RFFL: variants seen among roughly 807,000 people sequenced by gnomAD.
RFFL encodes the protein E3 ubiquitin-protein ligase rififylin.
RFFL carries 16 observed loss-of-function variants against 40.4 expected under a neutral mutation model. The observed-to-expected ratio is 0.40, with a 90% CI of 0.27 to 0.60. The LOEUF is 0.60. RFFL is among the 20% of genes least tolerant of loss of function. RFFL has a pLI of 0.47. For synonymous variants in RFFL, 154 were observed against 167.9 expected (o/e 0.92, Z 0.64); for missense variants, 367 against 451.7 (o/e 0.81, Z 1.70).
intron 3 of RFFL, among the ~76,000 whole-genome samples, chr17:35,020,622 T>C (rs1294643216): frequency 6.6e-6 from 1 of 152,078 alleles, no homozygotes. Context: ...AAGGCACTTA[T>C]GCAACATCAT....
At chr17:35,082,741 TTC>T (rs1342812571) in intron 1 of RFFL, among the ~76,000 whole-genome samples, 1 of 152,210 alleles carries the variant, frequency 6.6e-6, no homozygotes, top group Non-Finnish European at 1.5e-5. Flanking sequence ...AAACATATTT[TTC>T]TCTCTTTCAA....
At chr17:35,026,301 C>A (rs948029384) in intron 2 of RFFL, 73 bp downstream of exon 2, 22 of 1,450,458 alleles carry the variant, frequency 1.5e-5, no homozygotes, top group Non-Finnish European at 1.5e-5. Flanking sequence ...TGCAGGCATT[C>A]AGAGGGGTCA....
intron 1 of RFFL, among the ~76,000 whole-genome samples, chr17:35,040,602 CA>C (rs1314518844): frequency 1.5e-3 from 185 of 122,114 alleles, no homozygotes; most frequent in Admixed American, 2.0e-3. Flanking sequence ...GACTCTCTCT[CA>C]AAAAAAAAAA....
At chr17:35,036,344 C>T (rs890033210) in intron 1 of RFFL, 1 of 152,232 alleles carries the variant, frequency 6.6e-6, no homozygotes, top group East Asian at 1.9e-4. Context: ...AAACCTCCTT[C>T]TGATCTTGAA....
intron 1 of RFFL, among the ~76,000 whole-genome samples, chr17:35,080,848 A>G (rs1273376353): frequency 6.6e-6 from 1 of 152,210 alleles, no homozygotes; most frequent in Non-Finnish European, 1.5e-5. Context: ...CCCAGGGAAC[A>G]CTCCACAACT....
At chr17:35,039,562 T>TA (rs1276292354) in intron 1 of RFFL, among the ~76,000 whole-genome samples, 1 of 151,896 alleles carries the variant, frequency 6.6e-6, no homozygotes, top group Non-Finnish European at 1.5e-5. Context: ...TTGTAATTTG[T>TA]AAAAAATAAC....
intron 1 of RFFL, among the ~76,000 whole-genome samples, chr17:35,086,078 G>T (rs920523209): frequency 1.9e-4 from 29 of 152,280 alleles, no homozygotes; most frequent in African/African-American, 6.5e-4. Flanking sequence ...ATCCTACTAA[G>T]AGCCAAATTA....
chr17:35,044,623 AAAGT>A (rs2142349632), intron 1 of RFFL, among the ~76,000 whole-genome samples: 1 of 152,314 alleles, frequency 6.6e-6, no homozygotes, highest in East Asian at 1.9e-4. Context: ...CAAAAAAAAT[AAAGT>A]AAGTGTTGTC....
At chr17:35,051,313 C>T (rs1368548480) in intron 1 of RFFL, among the ~76,000 whole-genome samples, 1 of 152,204 alleles carries the variant, frequency 6.6e-6, no homozygotes, top group Non-Finnish European at 1.5e-5. Flanking sequence ...GACTTTTTAA[C>T]AGCACCAAGT....
chr17:35,030,351 CTGT>C (rs2091074890), intron 1 of RFFL, among the ~76,000 whole-genome samples: 1 of 150,748 alleles, frequency 6.6e-6, no homozygotes, highest in South Asian at 2.1e-4. Context: ...TCTCCAGCAC[CTGT>C]TGTTTCCTGA....
At chr17:35,048,888 GCTGA>G (rs2091215892) in intron 1 of RFFL, among the ~76,000 whole-genome samples, 4 of 152,098 alleles carry the variant, frequency 2.6e-5, no homozygotes, top group Admixed American at 2.0e-4. Flanking sequence ...TGAAAATTAT[GCTGA>G]CTTTCTGAAA....
intron 1 of RFFL, among the ~76,000 whole-genome samples, chr17:35,035,284 CTG>C (rs1389104435): frequency 6.6e-6 from 1 of 151,976 alleles, no homozygotes; most frequent in East Asian, 1.9e-4. Context: ...TGGCACATGC[CTG>C]TAGTCCCAGC....
chr17:35,071,284 T>C (rs923742609), intron 1 of RFFL, among the ~76,000 whole-genome samples: 5 of 151,960 alleles, frequency 3.3e-5, no homozygotes, highest in Non-Finnish European at 7.4e-5. Flanking sequence ...CATACACTGC[T>C]GGTGAGACTG....
At chr17:35,044,334 C>T (rs1449017137) in intron 1 of RFFL, among the ~76,000 whole-genome samples, 1 of 152,234 alleles carries the variant, frequency 6.6e-6, no homozygotes, top group Non-Finnish European at 1.5e-5. Context: ...CCTGGGCCTC[C>T]CAAAGTGCTG....
At chr17:35,067,769 G>A (rs2091328029), upstream of RFFL, among the ~76,000 whole-genome samples, 1 of 151,980 alleles carries the variant, frequency 6.6e-6, no homozygotes, top group African/African-American at 2.4e-5. Context: ...AAGCAATTCT[G>A]ATACAGATGG....
intron 1 of RFFL, among the ~76,000 whole-genome samples, chr17:35,088,045 T>C (rs982760188): frequency 1.3e-5 from 2 of 152,164 alleles, no homozygotes; most frequent in East Asian, 3.9e-4. Flanking sequence ...TAAATTGAAC[T>C]GTCACGGGGA....
chr17:35,072,695 T>C (rs2091356915), intron 1 of RFFL, among the ~76,000 whole-genome samples: 1 of 151,784 alleles, frequency 6.6e-6, no homozygotes, highest in Admixed American at 6.6e-5. Context: ...ATGGGAACTG[T>C]GTAGTGTTTT....
At chr17:35,026,637 A>G in intron 1 of RFFL, 76 bp from the exon 2 acceptor site, 1 of 1,210,100 alleles carries the variant, frequency 8.3e-7, no homozygotes, top group South Asian at 1.4e-5. Context: ...CCGAGAGCAC[A>G]GGTGAGCAGT....
intron 1 of RFFL, among the ~76,000 whole-genome samples, chr17:35,054,308 C>T (rs1337375829): frequency 6.6e-6 from 1 of 152,130 alleles, no homozygotes; most frequent in Admixed American, 6.6e-5. Context: ...TACTGTAAAA[C>T]ACAATTTTGC....
Sources: gnomAD v4.1 joint callset for allele counts (sites outside exome capture counted in the v4.1 genomes callset) on GRCh38, gnomAD v4.1.1 for gene constraint, MANE v1.5 for transcripts, NCBI Gene and HGNC (gene_info 2026-07-23, HGNC 2026-07-21) for gene names.